Variants in KCNK2 observed in about 807,000 individuals in gnomAD.
KCNK2 encodes potassium channel subfamily K member 2.
In KCNK2, 21 loss-of-function variants were observed where a neutral mutation model predicts 40.5. That is an observed-to-expected ratio of 0.52 (90% CI 0.37 to 0.75). The LOEUF (loss-of-function observed/expected upper bound fraction) is 0.75. Ranked by LOEUF, KCNK2 falls within the 30% of genes least tolerant of loss-of-function variation. KCNK2 has a pLI of 0.00. For synonymous variants in KCNK2, 191 were observed against 202.2 expected (o/e 0.94, Z 0.47); for missense variants, 399 against 531.6 (o/e 0.75, Z 2.45).
At chr1:215,038,871 G>T (rs1657470811) in intron 1 of KCNK2, among the ~76,000 whole-genome samples, 1 of 151,348 alleles carries the variant, frequency 6.6e-6, no homozygotes, top group Non-Finnish European at 1.5e-5. Context: ...CTCTTCTAAG[G>T]TCATTTACAT....
intron 3 of KCNK2, among the ~76,000 whole-genome samples, chr1:215,151,576 C>T (rs1459290534): frequency 6.6e-6 from 1 of 152,010 alleles, no homozygotes; most frequent in Non-Finnish European, 1.5e-5. Flanking sequence ...CCACTAAAAA[C>T]AATTCCAAAA....
intron 1 of KCNK2, among the ~76,000 whole-genome samples, chr1:215,024,788 A>G (rs1656936226): frequency 6.6e-6 from 1 of 152,110 alleles, no homozygotes; most frequent in African/African-American, 2.4e-5. Context: ...TTTTAGCGGT[A>G]TATAAAACCA....
At chr1:215,212,983 A>G (rs1179688273) in intron 6 of KCNK2, among the ~76,000 whole-genome samples, 1 of 152,196 alleles carries the variant, frequency 6.6e-6, no homozygotes, top group Non-Finnish European at 1.5e-5. Flanking sequence ...GTGCTGCATT[A>G]AGGACTACAC....
chr1:215,112,525 G>A (rs1660740756), intron 2 of KCNK2, among the ~76,000 whole-genome samples: 1 of 152,076 alleles, frequency 6.6e-6, no homozygotes, highest in Non-Finnish European at 1.5e-5. Context: ...ATTGAAGAAA[G>A]TTAGTTTTAT....
intron 3 of KCNK2, among the ~76,000 whole-genome samples, chr1:215,146,170 A>T (rs1466852942): frequency 6.6e-6 from 1 of 152,194 alleles, no homozygotes; most frequent in Non-Finnish European, 1.5e-5. Flanking sequence ...ATGCATTTCA[A>T]ATGTATTCAG....
chr1:215,071,594 T>A (rs1296375961), intron 1 of KCNK2, among the ~76,000 whole-genome samples: 1 of 152,156 alleles, frequency 6.6e-6, no homozygotes, highest in Admixed American at 6.5e-5. Context: ...GAGAAAGCTA[T>A]AATTATAGCA....
At chr1:215,092,207 G>C (rs1659720640) in intron 2 of KCNK2, among the ~76,000 whole-genome samples, 2 of 152,138 alleles carry the variant, frequency 1.3e-5, no homozygotes, top group African/African-American at 4.8e-5. Context: ...AAAGCTAATA[G>C]GGTTTGCTGA....
At chr1:215,009,763 G>C (rs1656310773) in intron 1 of KCNK2, among the ~76,000 whole-genome samples, 1 of 152,034 alleles carries the variant, frequency 6.6e-6, no homozygotes, top group Non-Finnish European at 1.5e-5. Context: ...ACAAAAAAAA[G>C]ATATAGTATA....
At chr1:215,010,693 A>G (rs1380118147) in intron 1 of KCNK2, among the ~76,000 whole-genome samples, 2 of 152,168 alleles carry the variant, frequency 1.3e-5, no homozygotes, top group Non-Finnish European at 2.9e-5. Flanking sequence ...GTAAAAAGCA[A>G]CCAGCAACTT....
intron 3 of KCNK2, among the ~76,000 whole-genome samples, chr1:215,145,546 T>A (rs1402217887): frequency 6.6e-6 from 1 of 152,212 alleles, no homozygotes; most frequent in East Asian, 1.9e-4. Context: ...AAGATCCAGC[T>A]TTCTAAAATG....
At chr1:215,118,806 A>G (rs1008531965) in intron 2 of KCNK2, among the ~76,000 whole-genome samples, 2 of 152,176 alleles carry the variant, frequency 1.3e-5, no homozygotes, top group African/African-American at 4.8e-5. Context: ...TAAACTAATT[A>G]GGTGTTAACC....
intron 3 of KCNK2, among the ~76,000 whole-genome samples, chr1:215,124,977 GA>G (rs1661351486): frequency 6.6e-6 from 1 of 152,186 alleles, no homozygotes; most frequent in Non-Finnish European, 1.5e-5. Context: ...ATGTGAAACA[GA>G]AGCAATGCAG....
At chr1:215,022,924 C>T (rs188227484) in intron 1 of KCNK2, among the ~76,000 whole-genome samples, 402 of 152,210 alleles carry the variant, frequency 2.6e-3, no homozygotes, top group Admixed American at 4.1e-3. Context: ...TCCCAGAGGC[C>T]ATGAATCTAA....
rs74484669 is a variant in KCNK2, at chr1:215,204,935, C to A, written c.963+9843C>A. Among the ~76,000 whole-genome samples the A allele has an allele frequency of 5.4e-3, 815 of 152,252 alleles. 18 individuals carry two copies. In the South Asian group the frequency reaches 0.063, roughly 12 times the overall value. ...TAATAAGAGAATTTAGCTCCTCCTGCCTCAAACTTGATTTGAACCAAATGA... is the reference window on the plus strand; with the variant it reads ...TAATAAGAGAATTTAGCTCCTCCTGACTCAAACTTGATTTGAACCAAATGA... On this transcript the variant is annotated intron_variant, in intron 6 of 6. Coordinates refer to ENST00000444842, the MANE Select transcript of KCNK2 (RefSeq NM_001017425.3).
chr1:215,181,261 T>C (rs1302685141), intron 5 of KCNK2, among the ~76,000 whole-genome samples: 1 of 152,148 alleles, frequency 6.6e-6, no homozygotes, highest in Non-Finnish European at 1.5e-5. Context: ...TCCTAGATTG[T>C]TTTAGAAATT....
intron 2 of KCNK2, among the ~76,000 whole-genome samples, chr1:215,113,255 T>C (rs1660779514): frequency 6.6e-6 from 1 of 152,216 alleles, no homozygotes; most frequent in Admixed American, 6.5e-5. Context: ...GAACTTTCAG[T>C]ATTTCCACAT....
chr1:215,055,827 T>A (rs1490755910), intron 1 of KCNK2, among the ~76,000 whole-genome samples: 1 of 152,198 alleles, frequency 6.6e-6, no homozygotes, highest in Non-Finnish European at 1.5e-5. Context: ...ACGTGGAAAT[T>A]TAAATTCAGT....
At position 215,196,448 on chromosome 1, in the gene KCNK2, A is replaced by T. The variant is rs1325281014; in HGVS notation, c.963+1356A>T. The stretch of plus-strand genomic sequence containing the variant: ...GTGTGAACTAGCAAGAATGTAAATT[A>T]TCCATACTTTACTTCAAGGATACCA... On this transcript the variant is annotated intron_variant, in intron 6 of 6. Transcript: ENST00000444842. 2.0e-5 allele frequency among the ~76,000 whole-genome samples: 3 copies of T among 152,208 alleles called. No homozygotes were observed. In the East Asian group the frequency reaches 5.8e-4, roughly 29 times the overall value.
intron 3 of KCNK2, among the ~76,000 whole-genome samples, chr1:215,166,494 C>A (rs941392454): frequency 3.3e-5 from 5 of 152,144 alleles, no homozygotes; most frequent in African/African-American, 1.2e-4. Context: ...CCTCCAGAAT[C>A]AAGCTGTGTT....
Sources: gnomAD v4.1 joint callset for allele counts (sites outside exome capture counted in the v4.1 genomes callset) on GRCh38, gnomAD v4.1.1 for gene constraint, MANE v1.5 for transcripts, NCBI Gene and HGNC (gene_info 2026-07-23, HGNC 2026-07-21) for gene names.